CDK5RAP2: variants seen among roughly 807,000 people sequenced by gnomAD.
CDK5RAP2 encodes the protein CDK5 regulatory subunit associated protein 2.
In CDK5RAP2, 147 loss-of-function variants were observed where a neutral mutation model predicts 232.9. That is an observed-to-expected ratio of 0.63 (90% confidence interval 0.55 to 0.72). The LOEUF (loss-of-function observed/expected upper bound fraction) is 0.72, where lower values mean the gene tolerates loss of function less well. Ranked by LOEUF, CDK5RAP2 falls within the 30% of genes least tolerant of loss-of-function variation. The pLI is 0.00. For synonymous variants in CDK5RAP2, 833 were observed against 833.7 expected (o/e 1.00, Z 0.01); for missense variants, 2,195 against 2,231.5 (o/e 0.98, Z 0.33).
At chr9:120,416,421 T>C (rs1379841306) in intron 27 of CDK5RAP2, among the ~76,000 whole-genome samples, 1 of 152,208 alleles carries the variant, frequency 6.6e-6, no homozygotes, top group African/African-American at 2.4e-5. Flanking sequence ...AGACTAAATA[T>C]ATACTTCACA....
intron 26 of CDK5RAP2, 108 bp from the exon 27 acceptor site, chr9:120,420,068 G>A (rs531146886): frequency 1.2e-6 from 1 of 862,334 alleles, no homozygotes; most frequent in African/African-American, 1.7e-5. Flanking sequence ...ACTCCCCAAT[G>A]TTTGCAACTT....
intron 31 of CDK5RAP2, 115 bp from the exon 32 acceptor site, chr9:120,407,363 G>A: frequency 1.3e-6 from 1 of 792,244 alleles, no homozygotes; most frequent in Non-Finnish European, 2.2e-6. Context: ...CCCTTCCTAA[G>A]AACTAGGTAC....
At chr9:120,442,733 G>A (rs2035970335) in intron 23 of CDK5RAP2, among the ~76,000 whole-genome samples, 1 of 152,152 alleles carries the variant, frequency 6.6e-6, no homozygotes, top group Non-Finnish European at 1.5e-5. Context: ...TTTATTGCCT[G>A]GTAGAGTAGC....
Position 120,472,596 on chromosome 9 carries a change from A to G in CDK5RAP2, c.1728-718T>C, listed in dbSNP as rs563728815. Among the ~76,000 whole-genome samples the G allele has an allele frequency of 1.3e-3, 198 of 152,350 alleles. 2 individuals carry two copies. Among genetic ancestry groups the G allele is most frequent in the African/African-American group, 4.1e-3 (170 of 41,584 alleles). On this transcript the variant is annotated intron_variant, in intron 15 of 37. Coordinates refer to ENST00000349780, the MANE Select transcript of CDK5RAP2 (RefSeq NM_018249.6). ...AGAAGGAGAAAAGGACTAATCTATT[A>G]GGGGCCAAAAAAACTCCACTGTGGT...
intron 15 of CDK5RAP2, among the ~76,000 whole-genome samples, chr9:120,476,977 C>T (rs1296441014): frequency 6.6e-6 from 1 of 152,200 alleles, no homozygotes; most frequent in Non-Finnish European, 1.5e-5. Context: ...TCTTAGTTTT[C>T]ATGACCTTAT....
intron 7 of CDK5RAP2, among the ~76,000 whole-genome samples, chr9:120,532,899 C>T (rs1469838096): frequency 9.2e-5 from 14 of 152,150 alleles, no homozygotes; most frequent in Non-Finnish European, 1.9e-4. Flanking sequence ...TACACGTTAA[C>T]CCTTCCCAAA....
chr9:120,520,495 T>C (rs764476906), intron 11 of CDK5RAP2, among the ~76,000 whole-genome samples: 1 of 152,002 alleles, frequency 6.6e-6, no homozygotes, highest in Non-Finnish European at 1.5e-5. Context: ...ATACAAAAAT[T>C]ATCCGGGCAT....
rs1037002450 is a variant in CDK5RAP2 at position 120,393,503 on chromosome 9, G to A, written c.5578+1009C>T. 6.6e-5 allele frequency among the ~76,000 whole-genome samples: 10 copies of A among 152,348 alleles called. No individual in the cohort carries two copies. In the East Asian group the frequency reaches 1.5e-3, roughly 24 times the overall value. On this transcript the variant is annotated intron_variant, in intron 36 of 37. Transcript: ENST00000349780. ...CCAGAAATGTTGGACTTTGACAGGA[G>A]AGCCGCACAAGGCAGGCTGGCACCT...
chr9:120,453,304 G>C, intron 21 of CDK5RAP2, 152 bp downstream of exon 21: 2 of 673,674 alleles, frequency 3.0e-6, no homozygotes, highest in East Asian at 5.4e-5. Flanking sequence ...AGGACATGCA[G>C]CTCTGGGTGG....
rs537485323 is a variant in CDK5RAP2 at position 120,559,169 on chromosome 9, T to C, written c.196-8267A>G. ...AAAAGAAATTAATTAGAATGTTTAATATAGTTGCTAGTAAAACATAAGAAT... is the reference window on the plus strand; with the variant it reads ...AAAAGAAATTAATTAGAATGTTTAACATAGTTGCTAGTAAAACATAAGAAT... On this transcript the variant is annotated intron_variant, in intron 3 of 37. Coordinates refer to ENST00000349780, the MANE Select transcript of CDK5RAP2 (RefSeq NM_018249.6). 2.0e-5 allele frequency among the ~76,000 whole-genome samples: 3 copies of C among 152,322 alleles called. No individual in the cohort carries two copies. In the South Asian group the frequency reaches 6.2e-4, roughly 32 times the overall value.
Position 120,470,187 on chromosome 9 carries a change from G to A in CDK5RAP2, c.1892C>T (p.Ser631Phe), listed in dbSNP as rs376225756. The change falls in exon 17 of 38, where the codon TCT (serine) becomes TTT (phenylalanine). Residue 631 changes from serine to phenylalanine, a missense_variant. Coordinates refer to ENST00000349780, the MANE Select transcript of CDK5RAP2 (RefSeq NM_018249.6). The part of the protein sequence containing the change: ...ESFSLYSDQT[S>F]YLSICLEENN... Reference sequence around the variant, plus strand: ...TTCTTCAAGGCAAATACTTAGATAAGATGTTTGATCACTATAAAGTGAAAA... The same window carrying A: ...TTCTTCAAGGCAAATACTTAGATAAAATGTTTGATCACTATAAAGTGAAAA... The A allele has an allele frequency of 6.3e-7, 1 of 1,588,570 alleles. No individual in the cohort carries two copies. Among genetic ancestry groups the A allele is most frequent in the South Asian group, 1.1e-5 (1 of 89,254 alleles).
chr9:120,396,397 T>A (rs1482146463), intron 35 of CDK5RAP2, among the ~76,000 whole-genome samples: 1 of 152,232 alleles, frequency 6.6e-6, no homozygotes, highest in Non-Finnish European at 1.5e-5. Flanking sequence ...GATCCAGCTA[T>A]CACATTGCAG....
chr9:120,443,894 G>A (rs1468948680), intron 22 of CDK5RAP2, 152 bp from the exon 23 acceptor site: 1 of 984,060 alleles, frequency 1.0e-6, no homozygotes, highest in Non-Finnish European at 1.5e-6. Context: ...AATCTATCGA[G>A]CTGCCATAAC....
intron 2 of CDK5RAP2, among the ~76,000 whole-genome samples, chr9:120,571,487 G>A (rs73548201): frequency 2.0e-5 from 3 of 152,286 alleles, no homozygotes; most frequent in African/African-American, 7.2e-5. Flanking sequence ...AACACAGTAC[G>A]CTACTTATTT....
chr9:120,477,499 G>T, intron 14 of CDK5RAP2, 49 bp from the exon 15 acceptor site: 1 of 1,337,790 alleles, frequency 7.5e-7, no homozygotes, highest in Non-Finnish European at 1.1e-6. Flanking sequence ...TTTTGAAAGA[G>T]TACATCCTTA....
At chr9:120,486,384 CTTAAT>C (rs978753253) in intron 14 of CDK5RAP2, among the ~76,000 whole-genome samples, 2 of 145,052 alleles carry the variant, frequency 1.4e-5, no homozygotes, top group African/African-American at 5.1e-5. Context: ...AATGTATGAA[CTTAAT>C]TTAAGCCAGG....
chr9:120,408,036 A>G, intron 31 of CDK5RAP2: 1 of 404,070 alleles, frequency 2.5e-6, no homozygotes, highest in South Asian at 2.3e-5. Context: ...ACAGGTGCTG[A>G]GAGACATGTT....
At chr9:120,494,623 T>C (rs576690253) in intron 12 of CDK5RAP2, among the ~76,000 whole-genome samples, 5 of 151,804 alleles carry the variant, frequency 3.3e-5, no homozygotes, top group African/African-American at 9.7e-5. Context: ...AATAAACAAA[T>C]GCAGGAGGAG....
Position 120,460,584 on chromosome 9 carries a change from C to G in CDK5RAP2, c.2190G>C (p.Gln730His). The G allele has an allele frequency of 6.2e-7, 1 of 1,614,096 alleles. No individual in the cohort carries two copies. The highest frequency in any genetic ancestry group is 8.5e-7 in the Non-Finnish European group (1 of 1,179,972). Reference sequence around the variant, plus strand: ...GAAAGGTTCCTACCTCATTACTCTGCTGCAAATGCTGGTCACTCAGGAAAT... The same window carrying G: ...GAAAGGTTCCTACCTCATTACTCTGGTGCAAATGCTGGTCACTCAGGAAAT... ...EINFLSDQHL[Q>H]QSNEIMKDLS... Residue 730 changes from glutamine (Q) to histidine (H), a missense_variant, in exon 19 of 38, where the codon CAG becomes CAC. Gln to His is a conservative substitution (Grantham distance 24). Transcript: ENST00000349780.
Sources: gnomAD v4.1 joint callset for allele counts (sites outside exome capture counted in the v4.1 genomes callset) on GRCh38, gnomAD v4.1.1 for gene constraint, MANE v1.5 for transcripts, NCBI Gene and HGNC (gene_info 2026-07-23, HGNC 2026-07-21) for gene names.